PTTG1IP: variants seen among roughly 807,000 people sequenced by gnomAD.
PTTG1IP encodes pituitary tumor-transforming gene 1 protein-interacting protein.
A neutral mutation model predicts 24.4 loss-of-function variants in PTTG1IP; 16 were observed. The observed-to-expected ratio is 0.66, with a 90% CI of 0.44 to 1.00. PTTG1IP has a LOEUF of 1.00. Among genes scored for constraint, PTTG1IP ranks in the 50% least tolerant of loss-of-function variants. The pLI, the probability that PTTG1IP is intolerant of heterozygous loss-of-function variation, is 0.00. For synonymous variants in PTTG1IP, 89 were observed against 96.8 expected (o/e 0.92, Z 0.47); for missense variants, 241 against 245.8 (o/e 0.98, Z 0.13).
intron 3 of PTTG1IP, among the ~76,000 whole-genome samples, chr21:44,858,048 C>A (rs572419062): frequency 5.6e-4 from 85 of 152,286 alleles, no homozygotes; most frequent in African/African-American, 2.0e-3. Context: ...GAAATCCTGT[C>A]ACAATGGGAA....
chr21:44,871,952 C>T (rs1569328532), intron 1 of PTTG1IP, among the ~76,000 whole-genome samples: 1 of 152,318 alleles, frequency 6.6e-6, no homozygotes, highest in East Asian at 1.9e-4. Context: ...AATGGCAGTT[C>T]CGGATTAATT....
intron 1 of PTTG1IP, among the ~76,000 whole-genome samples, chr21:44,870,525 CAAAAAAAAA>C (rs60436978): frequency 0.12 from 9,531 of 77,116 alleles, 315 homozygotes; most frequent in South Asian, 0.21. Flanking sequence ...GACTCCATCT[CAAAAAAAAA>C]AAAAAAAAAA....
intron 2 of PTTG1IP, among the ~76,000 whole-genome samples, chr21:44,862,854 G>A (rs1418273775): frequency 6.6e-6 from 1 of 152,140 alleles, no homozygotes; most frequent in African/African-American, 2.4e-5. Flanking sequence ...CATTTCAGGG[G>A]TTTTGCTTGC....
rs570927181 is a variant in PTTG1IP, at chr21:44,864,430, CTT to C, written c.168+963_168+964del. Among the ~76,000 whole-genome samples the C allele has an allele frequency of 1.5e-3, 223 of 152,292 alleles. 3 individuals carry two copies. The Middle Eastern group carries it at 0.037, about 26-fold the overall frequency. ...TGTTTTTTAAAGACAGTTTTTTGCT[CTT>C]GTTGCCCAGGCTAGAGTGCAGTGGC... On this transcript the variant is annotated intron_variant, in intron 2 of 5. Coordinates refer to ENST00000330938, the MANE Select transcript of PTTG1IP (RefSeq NM_004339.4).
At chr21:44,868,027 T>C (rs1192366902) in intron 1 of PTTG1IP, among the ~76,000 whole-genome samples, 4 of 152,246 alleles carry the variant, frequency 2.6e-5, no homozygotes, top group Non-Finnish European at 5.9e-5. Flanking sequence ...TCAGAGTCTC[T>C]AGCGATGTGC....
chr21:44,851,046 T>C lies in PTTG1IP; in HGVS notation c.*535A>G, dbSNP rs1406917958. ...GTTAAGTCCTTATCAGACTGTGTACTGGAGCCCCGTGTCATCAGCAAAAGC... is the reference window on the plus strand; with the variant it reads ...GTTAAGTCCTTATCAGACTGTGTACCGGAGCCCCGTGTCATCAGCAAAAGC... On this transcript the variant is annotated 3_prime_UTR_variant, in exon 6 of 6. Transcript: ENST00000330938. 1.7e-5 allele frequency: 5 copies of C among 289,458 alleles called. No individual in the cohort carries two copies. The East Asian group carries it at 1.8e-4, about 10-fold the overall frequency. 17.9% of individuals were successfully genotyped at this position (289,458 alleles called of 1,614,324 possible). A position where few individuals can be genotyped will look rare whatever the true frequency, so the allele number is the denominator to read the frequency against.
At chr21:44,862,672 G>T (rs1306803631) in intron 2 of PTTG1IP, among the ~76,000 whole-genome samples, 2 of 152,232 alleles carry the variant, frequency 1.3e-5, no homozygotes, top group Non-Finnish European at 2.9e-5. Flanking sequence ...TTTTGGCCCA[G>T]GTTAGGGCAA....
intron 3 of PTTG1IP, among the ~76,000 whole-genome samples, chr21:44,857,103 T>C (rs1010309048): frequency 6.6e-6 from 1 of 152,226 alleles, no homozygotes; most frequent in Non-Finnish European, 1.5e-5. Flanking sequence ...GCCAAGATTT[T>C]TCCATTCAGT....
At chr21:44,855,313 C>A in intron 4 of PTTG1IP, 57 bp from the exon 5 acceptor site, 4 of 1,534,046 alleles carry the variant, frequency 2.6e-6, no homozygotes, top group Non-Finnish European at 3.6e-6. Context: ...GGTGTAACTG[C>A]TAGACACGCC....
At chr21:44,854,737 C>G (rs567593210) in intron 5 of PTTG1IP, among the ~76,000 whole-genome samples, 1 of 152,220 alleles carries the variant, frequency 6.6e-6, no homozygotes, top group African/African-American at 2.4e-5. Context: ...CACAACCAAA[C>G]AAGAACAGAA....
chr21:44,872,208 C>T (rs1472158923), intron 1 of PTTG1IP, among the ~76,000 whole-genome samples: 1 of 152,196 alleles, frequency 6.6e-6, no homozygotes, highest in African/African-American at 2.4e-5. Flanking sequence ...TCAATCTGGG[C>T]CAAAAGTTCC....
intron 5 of PTTG1IP, 50 bp downstream of exon 5, chr21:44,855,160 C>A (rs368241467): frequency 3.2e-6 from 5 of 1,542,200 alleles, no homozygotes; most frequent in Non-Finnish European, 4.5e-6. Context: ...ACCGAGACAG[C>A]GTGCCATCGC....
chr21:44,853,863 C>G (rs1309288591), intron 5 of PTTG1IP, among the ~76,000 whole-genome samples: 2 of 152,240 alleles, frequency 1.3e-5, no homozygotes, highest in Non-Finnish European at 2.9e-5. Context: ...AGCCACTGGG[C>G]ATCTCGAGGC....
chr21:44,866,848 A>G (rs1400949107), intron 1 of PTTG1IP, among the ~76,000 whole-genome samples: 2 of 152,284 alleles, frequency 1.3e-5, no homozygotes, highest in Non-Finnish European at 2.9e-5. Flanking sequence ...GTTGGCAAGG[A>G]TGTACAGCAA....
intron 1 of PTTG1IP, among the ~76,000 whole-genome samples, chr21:44,867,904 A>G (rs1417227693): frequency 6.6e-6 from 1 of 152,192 alleles, no homozygotes; most frequent in African/African-American, 2.4e-5. Flanking sequence ...TGATCCTTCT[A>G]TTTAACAGTG....
chr21:44,869,367 A>C (rs757057244), intron 1 of PTTG1IP, among the ~76,000 whole-genome samples: 2 of 152,254 alleles, frequency 1.3e-5, no homozygotes, highest in Non-Finnish European at 2.9e-5. Context: ...TAGACTCTGA[A>C]GAATGTAGAG....
chr21:44,855,336 T>G lies in PTTG1IP; in HGVS notation c.450-80A>C, dbSNP rs921583922. On this transcript the variant is annotated intron_variant, in intron 4 of 5. Transcript: ENST00000330938. ...TGCTAGACACGCCCTTCCGTGTCCC[T>G]CAGTGGGGGCGCCAGGTTTCTTCTG... 1.0e-5 allele frequency: 15 copies of G among 1,436,900 alleles called. No individual in the cohort carries two copies. In the African/African-American group the frequency reaches 2.0e-4, roughly 19 times the overall value. The allele number at this position is 1,436,900 out of a possible 1,614,324, so 89.0% of individuals were successfully genotyped here.
At chr21:44,857,217 C>T (rs1437958881) in intron 3 of PTTG1IP, among the ~76,000 whole-genome samples, 1 of 152,232 alleles carries the variant, frequency 6.6e-6, no homozygotes, top group Non-Finnish European at 1.5e-5. Context: ...TGGCTCACAC[C>T]TATAATCCCA....
At chr21:44,869,551 G>A (rs1046853614) in intron 1 of PTTG1IP, among the ~76,000 whole-genome samples, 3 of 152,126 alleles carry the variant, frequency 2.0e-5, no homozygotes, top group South Asian at 2.1e-4. Context: ...CTCCCACCTC[G>A]GCCTCCAAAA....
Sources: gnomAD v4.1 joint callset for allele counts (sites outside exome capture counted in the v4.1 genomes callset) on GRCh38, gnomAD v4.1.1 for gene constraint, MANE v1.5 for transcripts, NCBI Gene and HGNC (gene_info 2026-07-23, HGNC 2026-07-21) for gene names.